TMEM138: variants seen among roughly 807,000 people sequenced by gnomAD.
The protein encoded by TMEM138 is transmembrane protein 138.
Under a neutral mutation model 18.1 loss-of-function variants are expected in TMEM138, and 9 were observed. The observed-to-expected ratio is 0.50, with a 90% CI of 0.30 to 0.87. TMEM138 has a LOEUF of 0.87. Among genes scored for constraint, TMEM138 ranks in the 40% least tolerant of loss-of-function variants. TMEM138 has a pLI of 0.06. For synonymous variants in TMEM138, 79 were observed against 74.8 expected (o/e 1.06, Z -0.29); for missense variants, 189 against 190.6 (o/e 0.99, Z 0.05).
At chr11:61,363,247 TTTAA>T (rs1858002091) in intron 1 of TMEM138, 1 of 152,070 alleles carries the variant, frequency 6.6e-6, no homozygotes, top group Non-Finnish European at 1.5e-5. Flanking sequence ...CTCTCTAAAA[TTTAA>T]TGAATGAGGA....
chr11:61,371,320 A>G (rs1242485049), downstream of TMEM138, among the ~76,000 whole-genome samples: 1 of 152,134 alleles, frequency 6.6e-6, no homozygotes, highest in Non-Finnish European at 1.5e-5. Flanking sequence ...GGACTGAGCC[A>G]CCATTCCCAG....
At chr11:61,375,471 C>T (rs4939519), downstream of TMEM138, among the ~76,000 whole-genome samples, 137,292 of 151,782 alleles carry the variant, frequency 0.9, 63,433 homozygotes, top group East Asian at 1. Context: ...TACAGGCATG[C>T]GCCACCATGC....
In TMEM138 at chr11:61,366,187, C is replaced by T. The variant is rs1283139999; in HGVS notation, c.271C>T (p.Leu91Phe). The change falls in exon 3 of 5, where the codon CTC becomes TTC. Residue 91 changes from leucine (L) to phenylalanine (F), a missense_variant. Transcript: ENST00000278826. ...TIILTAVYFA[L>F]SISLHVWVMN... ...CATCCTGACAGCTGTGTACTTTGCC[C>T]TCAGCATCTCCCTTCATGTCTGGGT... is the stretch of plus-strand genomic sequence containing the variant. 15 of 1,614,080 alleles carry T rather than the reference C, an allele frequency of 9.3e-6. No individual in the cohort carries two copies. The highest frequency in any genetic ancestry group is 1.3e-5 in the African/African-American group (1 of 75,038).
chr11:61,366,078 C>A lies in TMEM138; in HGVS notation c.162C>A (p.Ile54=). The A allele has an allele frequency of 6.2e-7, 1 of 1,613,832 alleles. No individual in the cohort carries two copies. Among genetic ancestry groups the A allele is most frequent in the Non-Finnish European group, 8.5e-7 (1 of 1,179,896 alleles). The change falls in exon 3 of 5, where the codon ATC becomes ATA. Residue 54 remains isoleucine (I), a synonymous_variant. Coordinates refer to ENST00000278826, the MANE Select transcript of TMEM138 (RefSeq NM_016464.5). ...ATATTGCAGTCCTCTTCAACATCAT[C>A]ATCATTTTCCTCATGTTCTTCAACA... ...IQDIAVLFNI[I]IIFLMFFNTF... is the part of the protein sequence containing the mutation.
In TMEM138 at chr11:61,368,211, TTTTG is replaced by T. The variant is rs113018914; in HGVS notation, c.376+241_376+244del. The T allele has an allele frequency of 0.016, 10,512 of 669,526 alleles. 375 individuals carry two copies. Among genetic ancestry groups the T allele is most frequent in the African/African-American group, 0.083 (4,631 of 56,034 alleles). The allele number at this position is 669,526 out of a possible 1,614,324, so 41.5% of individuals were successfully genotyped here. ...GCCCAGCCTCATTAGGTTCTGTTCT[TTTTG>T]TTTGTTTGTTTGTTTGTTTGTTTGT... On this transcript the variant is annotated intron_variant, in intron 4 of 4. Transcript: ENST00000278826.
At chr11:61,363,288 G>C (rs1403988920) in intron 1 of TMEM138, 4 of 152,170 alleles carry the variant, frequency 2.6e-5, no homozygotes, top group Non-Finnish European at 5.9e-5. Flanking sequence ...CCAATAAGGT[G>C]GGACTTCACC....
intron 3 of TMEM138, 47 bp downstream of exon 3, chr11:61,366,263 G>C (rs770236540): frequency 1.3e-6 from 2 of 1,581,180 alleles, no homozygotes; most frequent in Non-Finnish European, 8.6e-7. Context: ...ATTTTAAATA[G>C]AGGTGGGGTC....
Position 61,364,427 on chromosome 11 carries a change from C to T in TMEM138, c.37C>T (p.Leu13=). Residue 13 remains leucine, a synonymous_variant, in exon 2 of 5, where the codon CTG becomes TTG. Coordinates refer to ENST00000278826, the MANE Select transcript of TMEM138 (RefSeq NM_016464.5). ...CAGTAACTACAGCCTGGTGCTCTCT[C>T]TGCAGTTCCTGCTGCTGTCCTATGA... ...QTSNYSLVLS[L]QFLLLSYDLF... 6.2e-7 allele frequency: 1 copy of T among 1,614,236 alleles called. No individual in the cohort carries two copies. The highest frequency in any genetic ancestry group is 8.5e-7 in the Non-Finnish European group (1 of 1,180,034).
downstream of TMEM138, among the ~76,000 whole-genome samples, chr11:61,374,886 G>T (rs1858415372): frequency 6.6e-6 from 1 of 152,332 alleles, no homozygotes; most frequent in East Asian, 1.9e-4. Flanking sequence ...GAACCTGGGA[G>T]GCGGAGGCTG....
intron 2 of TMEM138, among the ~76,000 whole-genome samples, chr11:61,365,410 G>A (rs772141137): frequency 1.3e-5 from 2 of 151,756 alleles, no homozygotes; most frequent in East Asian, 2.0e-4. Context: ...ATAGGTGTGC[G>A]CTACCACACC....
intron 3 of TMEM138, chr11:61,367,507 G>T (rs917411805): frequency 1.3e-5 from 2 of 155,358 alleles, no homozygotes; most frequent in African/African-American, 4.8e-5. Flanking sequence ...CTGTGCCCTG[G>T]TTCCTGGAGC....
chr11:61,363,985 C>T lies in TMEM138; in HGVS notation c.-139-267C>T, dbSNP rs115044649. The stretch of plus-strand genomic sequence containing the variant: ...GATTTGCTGCCATTTTTGTTACCAC[C>T]GCTACTACATGACCAGGCAGTCATT... On this transcript the variant is annotated intron_variant, in intron 1 of 4. Transcript: ENST00000278826. The T allele has an allele frequency of 0.011, 1,800 of 159,424 alleles. 37 individuals are homozygous for T. Among genetic ancestry groups the T allele is most frequent in the African/African-American group, 0.041 (1,705 of 41,664 alleles). The allele number at this position is 159,424 out of a possible 1,614,324, so 9.9% of individuals were successfully genotyped here.
At chr11:61,368,448 C>T (rs1166123969) in intron 4 of TMEM138, 149 bp from the exon 5 acceptor site, 3 of 592,676 alleles carry the variant, frequency 5.1e-6, no homozygotes, top group African/African-American at 1.9e-5. Context: ...AGGATGGTCT[C>T]GATCTCTGAC....
At chr11:61,365,079 T>C (rs1858091938) in intron 2 of TMEM138, among the ~76,000 whole-genome samples, 1 of 150,678 alleles carries the variant, frequency 6.6e-6, no homozygotes, top group African/African-American at 2.4e-5. Flanking sequence ...TCCCAGCTTC[T>C]TGGGAGGCTG....
At chr11:61,368,081 C>A in intron 4 of TMEM138, 83 bp downstream of exon 4, 2 of 955,468 alleles carry the variant, frequency 2.1e-6, no homozygotes, top group Non-Finnish European at 3.4e-6. Flanking sequence ...GCTTCCCAGA[C>A]CTGTCCCAGC....
chr11:61,363,767 C>T (rs1453279754), intron 1 of TMEM138: 1 of 152,324 alleles, frequency 6.6e-6, no homozygotes, highest in Non-Finnish European at 1.5e-5. Context: ...ACCCGTGCAG[C>T]CTGCATCTGA....
intron 2 of TMEM138, 102 bp from the exon 3 acceptor site, chr11:61,365,943 T>G: frequency 7.1e-7 from 1 of 1,412,026 alleles, no homozygotes; most frequent in East Asian, 2.5e-5. Context: ...GATGCCTATC[T>G]CACAACAAAG....
chr11:61,363,469 A>C (rs976821261), intron 1 of TMEM138: 1 of 152,194 alleles, frequency 6.6e-6, no homozygotes, highest in African/African-American at 2.4e-5. Flanking sequence ...AATCGCTAAC[A>C]CTCCAGAGCA....
Position 61,368,589 on chromosome 11 carries a change from C to T in TMEM138, c.377-8C>T. ...CCCTGAGGCTTCTCTTCTGCTTCCT[C>T]CCCACAGCAGCAGTGTTGTACTGCT... On this transcript the variant is annotated splice_polypyrimidine_tract_variant and splice_region_variant and intron_variant, in intron 4 of 4. Transcript: ENST00000278826. 1.9e-6 allele frequency: 3 copies of T among 1,599,440 alleles called. No homozygotes were observed. Among genetic ancestry groups the T allele is most frequent in the African/African-American group, 1.3e-5 (1 of 74,806 alleles).
Sources: allele counts gnomAD v4.1 joint callset (sites outside exome capture counted in the v4.1 genomes callset), GRCh38; gene constraint gnomAD v4.1.1; transcripts MANE v1.5; gene names NCBI Gene and HGNC (gene_info 2026-07-23, HGNC 2026-07-21).